Variants in KCNQ5 observed in about 807,000 individuals in gnomAD.
The protein encoded by KCNQ5 is potassium voltage-gated channel subfamily KQT member 5.
In KCNQ5, 30 loss-of-function variants were observed where a neutral mutation model predicts 98.2. The ratio of observed to expected loss-of-function variants is 0.31; its 90% confidence interval spans 0.23 to 0.41. The LOEUF (loss-of-function observed/expected upper bound fraction) is 0.41. Ranked by LOEUF, KCNQ5 falls within the 10% of genes least tolerant of loss-of-function variation. The probability of loss-of-function intolerance (pLI) is 1.00; values close to 1 mark genes in which losing one functional copy is unlikely to be tolerated. For missense variants in KCNQ5, 835 were observed against 1,182.5 expected (o/e 0.71, Z 4.31); for synonymous variants, 458 against 449.4 (o/e 1.02, Z -0.24).
Position 73,001,956 on chromosome 6 carries a change from C to CA in KCNQ5, c.399-1946dup, listed in dbSNP as rs903258315. 1.1e-4 allele frequency among the ~76,000 whole-genome samples: 16 copies of CA among 151,298 alleles called. 1 individual carries two copies. Among genetic ancestry groups the CA allele is most frequent in the African/African-American group, 3.6e-4 (15 of 41,166 alleles). On this transcript the variant is annotated intron_variant, in intron 1 of 13. Transcript: ENST00000370398. ...GCAACATGGTGAGACCCTGTCTCTA[C>CA]AAAAAATTTTAAAAAAAATTAGCCA...
At chr6:72,967,592 G>A (rs867054707) in intron 1 of KCNQ5, 1 of 153,194 alleles carries the variant, frequency 6.5e-6, no homozygotes, top group Non-Finnish European at 1.5e-5. Flanking sequence ...AAAAAGGAAT[G>A]AAGAACAAAG....
chr6:72,973,357 C>G (rs1005769258), intron 1 of KCNQ5, among the ~76,000 whole-genome samples: 1 of 151,842 alleles, frequency 6.6e-6, no homozygotes, highest in Non-Finnish European at 1.5e-5. Flanking sequence ...AAATATGGGT[C>G]AACAATACTT....
intron 1 of KCNQ5, among the ~76,000 whole-genome samples, chr6:72,650,746 C>A (rs1765834685): frequency 6.6e-6 from 1 of 152,034 alleles, no homozygotes; most frequent in African/African-American, 2.4e-5. Flanking sequence ...TCATTCCTCA[C>A]ACATTTACAT....
intron 1 of KCNQ5, among the ~76,000 whole-genome samples, chr6:72,896,078 C>A (rs919222932): frequency 6.6e-6 from 1 of 152,078 alleles, no homozygotes; most frequent in African/African-American, 2.4e-5. Context: ...CTTAGCAAGT[C>A]TATTAAATTA....
intron 1 of KCNQ5, chr6:72,806,872 C>T (rs1002776625): frequency 4.5e-6 from 2 of 442,626 alleles, no homozygotes; most frequent in Non-Finnish European, 9.0e-6. Context: ...CGTTTTTCTC[C>T]CATATGAGAA....
At chr6:72,807,234 T>C (rs1003461748) in intron 1 of KCNQ5, among the ~76,000 whole-genome samples, 1 of 152,198 alleles carries the variant, frequency 6.6e-6, no homozygotes, top group Non-Finnish European at 1.5e-5. Context: ...ATAATAGTCA[T>C]ACCATAGGGC....
intron 1 of KCNQ5, among the ~76,000 whole-genome samples, chr6:72,642,347 T>C (rs1203124858): frequency 1.3e-5 from 2 of 152,052 alleles, no homozygotes; most frequent in Non-Finnish European, 2.9e-5. Flanking sequence ...TTATTTTAAG[T>C]TCTGGGGTAC....
intron 1 of KCNQ5, among the ~76,000 whole-genome samples, chr6:72,689,783 GTT>G (rs5877332): frequency 7.8e-4 from 111 of 142,084 alleles, no homozygotes; most frequent in African/African-American, 1.8e-3. Context: ...GAAAACAAGC[GTT>G]TTTTTTTTTT....
In KCNQ5 at chr6:73,038,227, C is replaced by T. The variant is rs913630052; in HGVS notation, c.490-3709C>T. Among the ~76,000 whole-genome samples the T allele has an allele frequency of 3.9e-5, 6 of 151,986 alleles. 1 individual carries two copies. The East Asian group carries it at 5.8e-4, about 15-fold the overall frequency. On this transcript the variant is annotated intron_variant, in intron 2 of 13. Coordinates refer to ENST00000370398, the MANE Select transcript of KCNQ5 (RefSeq NM_019842.4). ...ATTAATTTTTATATTGATCATACATCGTGCAGCCTTAGTGAACTCACTTGT... is the reference window on the plus strand; with the variant it reads ...ATTAATTTTTATATTGATCATACATTGTGCAGCCTTAGTGAACTCACTTGT...
intron 1 of KCNQ5, among the ~76,000 whole-genome samples, chr6:72,959,995 G>A (rs1767258235): frequency 6.6e-6 from 1 of 152,206 alleles, no homozygotes; most frequent in African/African-American, 2.4e-5. Context: ...CCAAGCTGTA[G>A]GCCAGAAGGG....
chr6:72,721,942 G>A (rs983020661), intron 1 of KCNQ5, among the ~76,000 whole-genome samples: 1 of 152,140 alleles, frequency 6.6e-6, no homozygotes, highest in Non-Finnish European at 1.5e-5. Context: ...CTTTGCAGAT[G>A]TGCCTAAATT....
intron 2 of KCNQ5, among the ~76,000 whole-genome samples, chr6:73,004,609 C>T (rs769817791): frequency 2.0e-5 from 3 of 152,164 alleles, no homozygotes; most frequent in Non-Finnish European, 4.4e-5. Context: ...GAAAAAGACC[C>T]CAAGATATTT....
At chr6:72,969,863 G>A (rs1767792593) in intron 1 of KCNQ5, among the ~76,000 whole-genome samples, 1 of 152,174 alleles carries the variant, frequency 6.6e-6, no homozygotes, top group African/African-American at 2.4e-5. Context: ...TAAGAGGACT[G>A]TCTGGATAAC....
intron 11 of KCNQ5, among the ~76,000 whole-genome samples, chr6:73,186,134 G>A (rs114963414): frequency 0.016 from 2,403 of 152,176 alleles, 46 homozygotes; most frequent in African/African-American, 0.055. Context: ...AGGCTGAGAT[G>A]GGAGGATTGG....
chr6:72,759,188 G>T (rs1483164387), intron 1 of KCNQ5, among the ~76,000 whole-genome samples: 2 of 152,152 alleles, frequency 1.3e-5, no homozygotes, highest in East Asian at 3.9e-4. Flanking sequence ...CTTTGGAGAT[G>T]AATGACTTCG....
chr6:73,058,564 G>A lies in KCNQ5; in HGVS notation c.616+16502G>A, dbSNP rs115960375. Among the ~76,000 whole-genome samples, 1,490 of 152,184 alleles carry A rather than the reference G, an allele frequency of 9.8e-3. 23 individuals carry two copies. The highest frequency in any genetic ancestry group is 0.033 in the African/African-American group (1,378 of 41,502). ...CTAATTTTGTCAATTAAACTAAAGG[G>A]ATCTAATTAAACTAAACAGCTTCTG... is the stretch of plus-strand genomic sequence containing the variant. On this transcript the variant is annotated intron_variant, in intron 3 of 13. Coordinates refer to ENST00000370398, the MANE Select transcript of KCNQ5 (RefSeq NM_019842.4).
At chr6:73,041,557 C>A (rs1283250402) in intron 2 of KCNQ5, among the ~76,000 whole-genome samples, 1 of 152,078 alleles carries the variant, frequency 6.6e-6, no homozygotes, top group African/African-American at 2.4e-5. Flanking sequence ...TAAAACTTGC[C>A]ATTATATTTC....
intron 1 of KCNQ5, among the ~76,000 whole-genome samples, chr6:72,773,811 A>G (rs910207092): frequency 6.6e-6 from 1 of 152,158 alleles, no homozygotes; most frequent in African/African-American, 2.4e-5. Flanking sequence ...ATGGAAATGT[A>G]AAGGACAGCT....
chr6:72,792,527 CAG>C (rs1174268732), intron 1 of KCNQ5, among the ~76,000 whole-genome samples: 1 of 152,140 alleles, frequency 6.6e-6, no homozygotes, highest in Non-Finnish European at 1.5e-5. Context: ...AGTCATAAAA[CAG>C]AGCATTTCAG....
Sources: gnomAD v4.1 joint callset for allele counts (sites outside exome capture counted in the v4.1 genomes callset) on GRCh38, gnomAD v4.1.1 for gene constraint, MANE v1.5 for transcripts, NCBI Gene and HGNC (gene_info 2026-07-23, HGNC 2026-07-21) for gene names.